The following GALNT18 variants were observed in gnomAD, a reference collection of about 807,000 sequenced individuals.
GALNT18 encodes the protein GalNAc-transferase 18.
In GALNT18, 44 loss-of-function variants were observed where a neutral mutation model predicts 69.5. The observed-to-expected ratio is 0.63, with a 90% CI of 0.50 to 0.81. GALNT18 has a LOEUF of 0.81. GALNT18 is among the 40% of genes least tolerant of loss of function. The probability of loss-of-function intolerance (pLI) is 0.00; values close to 1 mark genes in which losing one functional copy is unlikely to be tolerated. For synonymous variants in GALNT18, 364 were observed against 318.2 expected (o/e 1.14, Z -1.53); for missense variants, 715 against 810.0 (o/e 0.88, Z 1.42).
rs1399016219 is a variant in GALNT18, at chr11:11,444,985, C to T, written c.428+3759G>A. Among the ~76,000 whole-genome samples, 1 of 152,206 alleles carries T rather than the reference C, an allele frequency of 6.6e-6. No homozygotes were observed. Among genetic ancestry groups the T allele is most frequent in the Non-Finnish European group, 1.5e-5 (1 of 68,040 alleles). ...CTCTCAGTCCAAATCCCAACATTAG[C>T]CAGAGCCCAGGCATCATTCTGAGCC... On this transcript the variant is annotated intron_variant, in intron 2 of 10. Transcript: ENST00000227756. The surrounding 1 kb of genome is among the most constrained non-coding windows in gnomAD (Gnocchi z 4.4).
Position 11,591,159 on chromosome 11 carries a change from C to CGTGTGT in GALNT18, c.235+30194_235+30199dup, listed in dbSNP as rs142063535. On this transcript the variant is annotated intron_variant, in intron 1 of 10. Coordinates refer to ENST00000227756, the MANE Select transcript of GALNT18 (RefSeq NM_198516.3). The surrounding 1 kb of genome is among the most constrained non-coding windows in gnomAD (Gnocchi z 4.8). Reference sequence around the variant, plus strand: ...TGCTGACTCTGTAGGCCTAGGCTACCGTGTGTGTGTGTGTGTGTGTGTGTG... The same window carrying CGTGTGT: ...TGCTGACTCTGTAGGCCTAGGCTACCGTGTGTGTGTGTGTGTGTGTGTGTGTGTGTG... Among the ~76,000 whole-genome samples, 30,707 of 148,894 alleles carry CGTGTGT rather than the reference C, an allele frequency of 0.21. 3,197 individuals carry two copies. The highest frequency in any genetic ancestry group is 0.34 in the Middle Eastern group (96 of 286).
Position 11,439,319 on chromosome 11 carries a change from C to T in GALNT18, c.429-6532G>A, listed in dbSNP as rs774841812. Among the ~76,000 whole-genome samples the T allele has an allele frequency of 6.6e-6, 1 of 152,198 alleles. No individual in the cohort carries two copies. Among genetic ancestry groups the T allele is most frequent in the Non-Finnish European group, 1.5e-5 (1 of 68,034 alleles). Reference sequence around the variant, plus strand: ...CAGGATGTCTTGAACCACGCTGCCTCCTCCAGAGCCTGCCTGTGTGGCTTC... The same window carrying T: ...CAGGATGTCTTGAACCACGCTGCCTTCTCCAGAGCCTGCCTGTGTGGCTTC... On this transcript the variant is annotated intron_variant, in intron 2 of 10. Coordinates refer to ENST00000227756, the MANE Select transcript of GALNT18 (RefSeq NM_198516.3). This position sits in a 1 kb window ranked among gnomAD's most constrained non-coding sequence, Gnocchi z 4.4.
intron 1 of GALNT18, among the ~76,000 whole-genome samples, chr11:11,473,893 A>T (rs4910352): frequency 6.6e-6 from 1 of 151,948 alleles, no homozygotes; most frequent in Admixed American, 6.6e-5. Flanking sequence ...GGTGATACTC[A>T]GTCTCTACCA....
In GALNT18 at chr11:11,580,325, G is replaced by A. The variant is rs1169128544; in HGVS notation, c.235+41034C>T. On this transcript the variant is annotated intron_variant, in intron 1 of 10. Coordinates refer to ENST00000227756, the MANE Select transcript of GALNT18 (RefSeq NM_198516.3). ...TGCCATCTTATTCCTTCTCCCTCCC[G>A]CCACCCCCAAAGACTAGCCCTGGGT... Among the ~76,000 whole-genome samples, 16 of 152,080 alleles carry A rather than the reference G, an allele frequency of 1.1e-4. No homozygotes were observed. In the South Asian group the frequency reaches 2.1e-3, roughly 20 times the overall value.
At chr11:11,333,780 GC>G (rs1204029162) in intron 7 of GALNT18, among the ~76,000 whole-genome samples, 10 of 152,100 alleles carry the variant, frequency 6.6e-5, no homozygotes, top group African/African-American at 2.4e-4. Context: ...GGCTAGAGAA[GC>G]CCCCTTCCTC....
Position 11,341,127 on chromosome 11 carries a change from C to T in GALNT18, c.1093-123G>A. ...GCCCCTTCACCTTGACTCCCCAGAT[C>T]ACTCTCTGTGAAGGAGTAGGCCATA... On this transcript the variant is annotated intron_variant, in intron 6 of 10. Coordinates refer to ENST00000227756, the MANE Select transcript of GALNT18 (RefSeq NM_198516.3). The surrounding 1 kb of genome is among the most constrained non-coding windows in gnomAD (Gnocchi z 6.3). 1 of 842,234 alleles carries T rather than the reference C, an allele frequency of 1.2e-6. No individual in the cohort carries two copies. Among genetic ancestry groups the T allele is most frequent in the Non-Finnish European group, 1.8e-6 (1 of 544,740 alleles). The allele number at this position is 842,234 out of a possible 1,614,324, so 52.2% of individuals were successfully genotyped here.
At chr11:11,608,598 T>C (rs1405888426) in intron 1 of GALNT18, among the ~76,000 whole-genome samples, 3 of 152,130 alleles carry the variant, frequency 2.0e-5, no homozygotes, top group Non-Finnish European at 2.9e-5. Context: ...CCTGACCTCA[T>C]GATCCACCCG....
chr11:11,284,757 G>A (rs1849156114), intron 10 of GALNT18, among the ~76,000 whole-genome samples: 1 of 152,100 alleles, frequency 6.6e-6, no homozygotes, highest in African/African-American at 2.4e-5. Flanking sequence ...AGGTTAAGTA[G>A]TTAATGATTA....
Position 11,432,484 on chromosome 11 carries a change from C to G in GALNT18, c.595+137G>C, listed in dbSNP as rs1002371777. ...GTGAACCTTCTGAAGCAGTGGCCAC[C>G]ATGAATTTCTCATCTATGCTCCAGA... On this transcript the variant is annotated intron_variant, in intron 3 of 10. Coordinates refer to ENST00000227756, the MANE Select transcript of GALNT18 (RefSeq NM_198516.3). The surrounding 1 kb of genome is among the most constrained non-coding windows in gnomAD (Gnocchi z 5.8). The G allele has an allele frequency of 2.2e-5, 19 of 866,866 alleles. No homozygotes were observed. The highest frequency in any genetic ancestry group is 3.0e-5 in the Non-Finnish European group (17 of 574,484). 53.7% of individuals were successfully genotyped at this position (866,866 alleles called of 1,614,324 possible).
intron 10 of GALNT18, among the ~76,000 whole-genome samples, chr11:11,272,118 CT>C (rs1564872388): frequency 6.6e-6 from 1 of 152,158 alleles, no homozygotes; most frequent in African/African-American, 2.4e-5. Flanking sequence ...AATTGGACCC[CT>C]TGTAGCTTAA....
intron 9 of GALNT18, among the ~76,000 whole-genome samples, chr11:11,306,485 T>A (rs906340046): frequency 6.6e-6 from 1 of 152,206 alleles, no homozygotes; most frequent in African/African-American, 2.4e-5. Context: ...TCCAACACCA[T>A]CTCCATCTCC....
intron 9 of GALNT18, among the ~76,000 whole-genome samples, chr11:11,294,104 G>A (rs1015852963): frequency 2.0e-4 from 31 of 152,028 alleles, no homozygotes; most frequent in African/African-American, 7.3e-4. Context: ...TCACTGCTAT[G>A]ATTTATGACA....
At chr11:11,275,613 G>A (rs576917988) in intron 10 of GALNT18, among the ~76,000 whole-genome samples, 4 of 152,242 alleles carry the variant, frequency 2.6e-5, no homozygotes, top group South Asian at 4.2e-4. Context: ...TGCCCATGCC[G>A]ATGTCCCGAA....
Position 11,555,639 on chromosome 11 carries a change from T to C in GALNT18, c.235+65720A>G, listed in dbSNP as rs1270492331. Among the ~76,000 whole-genome samples the C allele has an allele frequency of 6.6e-6, 1 of 152,194 alleles. No homozygotes were observed. Among genetic ancestry groups the C allele is most frequent in the African/African-American group, 2.4e-5 (1 of 41,456 alleles). The stretch of plus-strand genomic sequence containing the variant: ...AACCCTAGGAAATTGAAACACCCAC[T>C]AAAGACACGTCCTGCCAGACTTTCC... On this transcript the variant is annotated intron_variant, in intron 1 of 10. Coordinates refer to ENST00000227756, the MANE Select transcript of GALNT18 (RefSeq NM_198516.3). This position sits in a 1 kb window ranked among gnomAD's most constrained non-coding sequence, Gnocchi z 4.7.
At position 11,356,986 on chromosome 11, in the gene GALNT18, G is replaced by A. The variant is rs1342904573; in HGVS notation, c.1092+15529C>T. Among the ~76,000 whole-genome samples the A allele has an allele frequency of 2.0e-5, 3 of 152,120 alleles. No homozygotes were observed. The highest frequency in any genetic ancestry group is 4.4e-5 in the Non-Finnish European group (3 of 68,032). On this transcript the variant is annotated intron_variant, in intron 6 of 10. Coordinates refer to ENST00000227756, the MANE Select transcript of GALNT18 (RefSeq NM_198516.3). The surrounding 1 kb of genome is among the most constrained non-coding windows in gnomAD (Gnocchi z 4.4). Reference sequence around the variant, plus strand: ...CTCCACGGCTGGCTGGTGTGCTAGGGGATAACACGCAATAGCCACGGAGCT... The same window carrying A: ...CTCCACGGCTGGCTGGTGTGCTAGGAGATAACACGCAATAGCCACGGAGCT...
intron 1 of GALNT18, among the ~76,000 whole-genome samples, chr11:11,474,755 A>C (rs10734186): frequency 0.82 from 124,483 of 152,186 alleles, 51,730 homozygotes; most frequent in East Asian, 0.97. Context: ...TGCTTTAGGA[A>C]TGCAGAGGCT....
At chr11:11,516,599 C>G (rs1307989757) in intron 1 of GALNT18, among the ~76,000 whole-genome samples, 1 of 152,148 alleles carries the variant, frequency 6.6e-6, no homozygotes, top group Non-Finnish European at 1.5e-5. Context: ...CCATTGAACT[C>G]TAGTCTGGGC....
At chr11:11,615,897 A>T (rs183279869) in intron 1 of GALNT18, among the ~76,000 whole-genome samples, 51 of 152,384 alleles carry the variant, frequency 3.3e-4, no homozygotes, top group Non-Finnish European at 5.9e-4. Flanking sequence ...TGTAAAATTA[A>T]AATTATGTAT....
In GALNT18 at chr11:11,619,772, G is replaced by T. The variant is rs561724320; in HGVS notation, c.235+1587C>A. Among the ~76,000 whole-genome samples, 36 of 152,290 alleles carry T rather than the reference G, an allele frequency of 2.4e-4. No individual in the cohort carries two copies. The highest frequency in any genetic ancestry group is 8.4e-4 in the African/African-American group (35 of 41,556). On this transcript the variant is annotated intron_variant, in intron 1 of 10. Transcript: ENST00000227756. The surrounding 1 kb of genome is among the most constrained non-coding windows in gnomAD (Gnocchi z 4.9). ...CAATCAAGACCTATGGGATGGAAAA[G>T]GACACGTAAGAAATAACAGCAACTG...
Sources: gnomAD v4.1 joint callset for allele counts (sites outside exome capture counted in the v4.1 genomes callset) on GRCh38, gnomAD v4.1.1 for gene constraint, Gnocchi (gnomAD v3.1) non-coding constraint, MANE v1.5 for transcripts, NCBI Gene and HGNC (gene_info 2026-07-23, HGNC 2026-07-21) for gene names.